KHDRBS3: variants seen among roughly 807,000 people sequenced by gnomAD.
KHDRBS3 encodes the protein KH RNA binding domain containing, signal transduction associated 3, also known as KH domain-containing, RNA-binding, signal transduction-associated protein 3.
A neutral mutation model predicts 45.6 loss-of-function variants in KHDRBS3; 23 were observed. The ratio of observed to expected loss-of-function variants is 0.50; its 90% confidence interval spans 0.36 to 0.72. KHDRBS3 has a LOEUF of 0.72. Ranked by LOEUF, KHDRBS3 falls within the 30% of genes least tolerant of loss-of-function variation. The pLI is 0.00. For missense variants in KHDRBS3, 352 were observed against 424.8 expected, an observed-to-expected ratio of 0.83 and a Z score of 1.51; for synonymous variants, 162 against 156.5, an observed-to-expected ratio of 1.04 and a Z score of -0.26.
At chr8:135,512,432 G>GGGC (rs1554620141) in intron 1 of KHDRBS3, among the ~76,000 whole-genome samples, 1 of 137,006 alleles carries the variant, frequency 7.3e-6, no homozygotes, top group Non-Finnish European at 1.6e-5. Context: ...GAAAAGTCGG[G>GGGC]GGGGGGGTAA....
chr8:135,501,875 G>A (rs188983074), intron 1 of KHDRBS3, among the ~76,000 whole-genome samples: 22 of 152,086 alleles, frequency 1.4e-4, no homozygotes, highest in Non-Finnish European at 3.2e-4. Flanking sequence ...TTCGGTCCTT[G>A]GCCTTATAAC....
chr8:135,505,889 C>A (rs151012185), intron 1 of KHDRBS3, among the ~76,000 whole-genome samples: 1 of 152,128 alleles, frequency 6.6e-6, no homozygotes, highest in Non-Finnish European at 1.5e-5. Flanking sequence ...TGATCTGCTG[C>A]CAGGAACTGG....
chr8:135,543,974 TAATTACTCACTAAACATTGCTCTCTTA>T (rs1826167529), intron 3 of KHDRBS3, among the ~76,000 whole-genome samples: 1 of 152,226 alleles, frequency 6.6e-6, no homozygotes, highest in Admixed American at 6.5e-5. Context: ...CTGGTTTTTT[TAATTACTCACTAAACATTGCTCTCTTA>T]AATTATGACT....
chr8:135,534,915 TACTC>T (rs1465525697), intron 2 of KHDRBS3, among the ~76,000 whole-genome samples: 1 of 152,158 alleles, frequency 6.6e-6, no homozygotes, highest in Non-Finnish European at 1.5e-5. Context: ...AAGCTTAAGA[TACTC>T]AGGTGAAGAA....
chr8:135,624,671 T>A (rs1221548279), intron 7 of KHDRBS3, among the ~76,000 whole-genome samples: 1 of 152,192 alleles, frequency 6.6e-6, no homozygotes, highest in Admixed American at 6.5e-5. Flanking sequence ...GACAGAAGTT[T>A]CCAAAGGTTT....
Position 135,512,343 on chromosome 8 carries a change from T to C in KHDRBS3, c.89-8894T>C, listed in dbSNP as rs566114207. Among the ~76,000 whole-genome samples, 25 of 150,310 alleles carry C rather than the reference T, an allele frequency of 1.7e-4. No homozygotes were observed. The East Asian group carries it at 3.8e-3, about 23-fold the overall frequency. On this transcript the variant is annotated intron_variant, in intron 1 of 8. Coordinates refer to ENST00000355849, the MANE Select transcript of KHDRBS3 (RefSeq NM_006558.3). ...CGATTTCTGAATGTTGAGCATCTTA[T>C]ATGAGCTTCTCATTTTATTATAGAT...
In KHDRBS3 at chr8:135,582,012, TC is replaced by T. The variant is rs776179021; in HGVS notation, c.752del (p.Pro251GlnfsTer101). 9 of 1,610,436 alleles carry T rather than the reference TC, an allele frequency of 5.6e-6. No homozygotes were observed. The highest frequency in any genetic ancestry group is 1.3e-5 in the African/African-American group (1 of 74,512). On this transcript the variant is annotated frameshift_variant, in exon 6 of 9. Transcript: ENST00000355849. LOFTEE classifies it high-confidence loss of function. ...CTTCTCACTCCCAGAGCAAGAGGAGTCCCCCCAACTGGGTACAGACCTCCAC... is the reference window on the plus strand; with the variant it reads ...CTTCTCACTCCCAGAGCAAGAGGAGTCCCCCAACTGGGTACAGACCTCCAC... ...RGLLTPRARG[V>X]PPTGYRPPPP...
intron 7 of KHDRBS3, among the ~76,000 whole-genome samples, chr8:135,608,271 T>G (rs185405453): frequency 1.3e-5 from 2 of 152,340 alleles, no homozygotes; most frequent in East Asian, 3.9e-4. Flanking sequence ...ATATGTACCC[T>G]TTATAAATAA....
At chr8:135,635,002 T>C (rs896688831) in intron 7 of KHDRBS3, among the ~76,000 whole-genome samples, 1 of 152,184 alleles carries the variant, frequency 6.6e-6, no homozygotes, top group African/African-American at 2.4e-5. Flanking sequence ...TAAAAACTAG[T>C]GAAGTACATT....
chr8:135,621,488 T>C (rs569840914), intron 7 of KHDRBS3, among the ~76,000 whole-genome samples: 2 of 152,326 alleles, frequency 1.3e-5, no homozygotes, highest in Admixed American at 1.3e-4. Context: ...ATTTGATGTT[T>C]TCTATTAGAA....
intron 1 of KHDRBS3, among the ~76,000 whole-genome samples, chr8:135,514,850 C>A (rs1298392709): frequency 6.6e-6 from 1 of 152,118 alleles, no homozygotes; most frequent in Non-Finnish European, 1.5e-5. Flanking sequence ...GGCGGCAGAT[C>A]ATATATTTGT....
At chr8:135,586,337 AAAC>A (rs1280787155) in intron 6 of KHDRBS3, among the ~76,000 whole-genome samples, 1 of 152,288 alleles carries the variant, frequency 6.6e-6, no homozygotes, top group East Asian at 1.9e-4. Context: ...CCAAAAAAAA[AAAC>A]AGTGTTCCAC....
intron 7 of KHDRBS3, among the ~76,000 whole-genome samples, chr8:135,616,091 C>G (rs1346561052): frequency 1.3e-5 from 2 of 152,106 alleles, no homozygotes; most frequent in Non-Finnish European, 2.9e-5. Context: ...ATATCTATTG[C>G]GTACTTACCA....
chr8:135,579,525 C>T (rs888217201), intron 5 of KHDRBS3, among the ~76,000 whole-genome samples: 2 of 152,046 alleles, frequency 1.3e-5, no homozygotes, highest in Admixed American at 6.6e-5. Context: ...TCAGTAGAGA[C>T]GGGGTTTCAC....
intron 1 of KHDRBS3, among the ~76,000 whole-genome samples, chr8:135,515,082 TG>T (rs1248617906): frequency 6.6e-6 from 1 of 152,038 alleles, no homozygotes. Flanking sequence ...AGATTCCTTG[TG>T]GGGCTGGGCG....
chr8:135,525,194 TGG>T (rs1298773149), intron 2 of KHDRBS3, among the ~76,000 whole-genome samples: 1 of 152,212 alleles, frequency 6.6e-6, no homozygotes, highest in Non-Finnish European at 1.5e-5. Flanking sequence ...CTAATTAACT[TGG>T]TTGGATTCAG....
intron 2 of KHDRBS3, 192 bp from the exon 3 acceptor site, chr8:135,542,462 G>GT: frequency 6.0e-6 from 3 of 500,318 alleles, no homozygotes; most frequent in Non-Finnish European, 1.1e-5. Context: ...ATATATCAGG[G>GT]TTTTTTATTT....
At chr8:135,560,792 C>T (rs1484741671) in intron 5 of KHDRBS3, among the ~76,000 whole-genome samples, 1 of 152,096 alleles carries the variant, frequency 6.6e-6, no homozygotes, top group East Asian at 1.9e-4. Context: ...AAATTTTAGA[C>T]CCTAGTTTCA....
At chr8:135,492,589 G>C (rs1823215582) in intron 1 of KHDRBS3, among the ~76,000 whole-genome samples, 1 of 151,100 alleles carries the variant, frequency 6.6e-6, no homozygotes, top group Non-Finnish European at 1.5e-5. Flanking sequence ...ATGCCTCTCT[G>C]TCAAAAATTG....
Sources: allele counts gnomAD v4.1 joint callset (sites outside exome capture counted in the v4.1 genomes callset), GRCh38; gene constraint gnomAD v4.1.1; transcripts MANE v1.5; gene names NCBI Gene and HGNC (gene_info 2026-07-23, HGNC 2026-07-21).